KATNIP: variants seen among roughly 807,000 people sequenced by gnomAD.
KATNIP encodes katanin-interacting protein.
In KATNIP, 126 loss-of-function variants were observed where a neutral mutation model predicts 174.0. That is an observed-to-expected ratio of 0.72 (90% CI 0.63 to 0.84). The LOEUF (loss-of-function observed/expected upper bound fraction) is 0.84, where lower values mean the gene tolerates loss of function less well. Among genes scored for constraint, KATNIP ranks in the 40% least tolerant of loss-of-function variants. KATNIP has a pLI of 0.00. For missense variants in KATNIP, 1,958 were observed against 2,109.7 expected (o/e 0.93, Z 1.41); for synonymous variants, 810 against 835.7 (o/e 0.97, Z 0.53).
chr16:27,594,192 C>A (rs964287039), intron 2 of KATNIP, among the ~76,000 whole-genome samples: 2 of 151,956 alleles, frequency 1.3e-5, no homozygotes, highest in Admixed American at 6.6e-5. Flanking sequence ...CCCAGGAAGC[C>A]AAGTCTGCAG....
chr16:27,631,159 C>A lies in KATNIP; in HGVS notation c.405C>A (p.His135Gln), dbSNP rs138512782. 3 of 1,563,168 alleles carry A rather than the reference C, an allele frequency of 1.9e-6. No homozygotes were observed. The change falls in exon 5 of 28, where the codon CAC becomes CAA. Residue 135 changes from histidine to glutamine, a missense_variant. Coordinates refer to ENST00000261588, the MANE Select transcript of KATNIP (RefSeq NM_015202.5). ...APSKVQRRGW[H>Q]QKSVQIRTEA... ...GTAAAGTCCAGCGCCGAGGATGGCA[C>A]CAGGTCTGGAGACTGTGGCCCCAGC...
Position 27,780,104 on chromosome 16 carries a change from A to G in KATNIP, c.*1475A>G, listed in dbSNP as rs2082635267. 1 of 152,184 alleles carries G rather than the reference A, an allele frequency of 6.6e-6. No homozygotes were observed. 9.4% of individuals were successfully genotyped at this position (152,184 alleles called of 1,614,324 possible). Reference sequence around the variant, plus strand: ...GGGGGAGTCAGGGGTTGATCAAACCAGCTCTTGTGACCCAAACCAGTGCCG... The same window carrying G: ...GGGGGAGTCAGGGGTTGATCAAACCGGCTCTTGTGACCCAAACCAGTGCCG... On this transcript the variant is annotated 3_prime_UTR_variant, in exon 28 of 28. Transcript: ENST00000261588.
chr16:27,680,520 A>ATGTTT (rs1178770257), intron 7 of KATNIP, among the ~76,000 whole-genome samples: 1 of 152,126 alleles, frequency 6.6e-6, no homozygotes, highest in Non-Finnish European at 1.5e-5. Flanking sequence ...GACATTTTTC[A>ATGTTT]TGTTTTGTTT....
At chr16:27,590,723 T>C (rs993332729) in intron 2 of KATNIP, among the ~76,000 whole-genome samples, 2 of 152,186 alleles carry the variant, frequency 1.3e-5, no homozygotes, top group African/African-American at 4.8e-5. Flanking sequence ...CCTGGGGCCT[T>C]CTCCTCTCCC....
In KATNIP at chr16:27,670,920, A is replaced by G. The variant is rs376414828; in HGVS notation, c.541-6809A>G. Among the ~76,000 whole-genome samples the G allele has an allele frequency of 1.7e-4, 26 of 152,298 alleles. No individual in the cohort carries two copies. In the South Asian group the frequency reaches 5.0e-3, roughly 29 times the overall value. On this transcript the variant is annotated intron_variant, in intron 6 of 27. Coordinates refer to ENST00000261588, the MANE Select transcript of KATNIP (RefSeq NM_015202.5). Reference sequence around the variant, plus strand: ...TAATAGTTGGGTGCTGGCCGGGCGTAGTGGCTCACACCTGTAATCCAAGCA... The same window carrying G: ...TAATAGTTGGGTGCTGGCCGGGCGTGGTGGCTCACACCTGTAATCCAAGCA...
At chr16:27,773,369 C>T (rs1244818183) in intron 23 of KATNIP, among the ~76,000 whole-genome samples, 160 bp downstream of exon 23, 1 of 152,150 alleles carries the variant, frequency 6.6e-6, no homozygotes, top group Non-Finnish European at 1.5e-5. Flanking sequence ...TGGGGACGGG[C>T]AGCAGAGAGC....
At chr16:27,753,363 G>A (rs1169139708) in intron 17 of KATNIP, among the ~76,000 whole-genome samples, 1 of 152,120 alleles carries the variant, frequency 6.6e-6, no homozygotes, top group Non-Finnish European at 1.5e-5. Flanking sequence ...GTCTACCCTG[G>A]GCGCTTCCAT....
intron 2 of KATNIP, among the ~76,000 whole-genome samples, chr16:27,592,169 G>A (rs2075190751): frequency 2.0e-5 from 3 of 149,908 alleles, no homozygotes; most frequent in Non-Finnish European, 3.0e-5. Flanking sequence ...TCTAGTTCCT[G>A]TAATAGTATG....
rs566019407 is a variant in KATNIP, at chr16:27,589,912, G to A, written c.63+15956G>A. ...CCTGCCTCACCCTCCCAAGTAGCTG[G>A]GATTACAGGCACCCACCACCATGCC... On this transcript the variant is annotated intron_variant, in intron 2 of 27. Transcript: ENST00000261588. Among the ~76,000 whole-genome samples the A allele has an allele frequency of 1.2e-3, 187 of 152,054 alleles. 1 individual carries two copies. Among genetic ancestry groups the A allele is most frequent in the African/African-American group, 4.0e-3 (167 of 41,510 alleles).
At chr16:27,733,530 G>C (rs2080774702) in intron 14 of KATNIP, among the ~76,000 whole-genome samples, 1 of 130,044 alleles carries the variant, frequency 7.7e-6, no homozygotes, top group Non-Finnish European at 1.6e-5. Flanking sequence ...AGTTAAAGAA[G>C]GAAAAAAAAT....
intron 6 of KATNIP, among the ~76,000 whole-genome samples, chr16:27,659,147 G>A (rs970603610): frequency 2.0e-5 from 3 of 152,122 alleles, no homozygotes; most frequent in East Asian, 3.8e-4. Flanking sequence ...CTTTTAAGAA[G>A]ACAAGGAAGT....
chr16:27,718,956 C>G (rs916012576), intron 13 of KATNIP: 1 of 152,438 alleles, frequency 6.6e-6, no homozygotes, highest in Non-Finnish European at 1.5e-5. Context: ...AACCCCAGAT[C>G]AGCCAATCCT....
rs774660733 is a variant in KATNIP, at chr16:27,652,315, T to C, written c.540+3580T>C. ...AGAGGAGAGGTCAGAGAAGCAGCCA[T>C]GGGTCAGATTGCATGGGGCTTGAGG... is the stretch of plus-strand genomic sequence containing the variant. On this transcript the variant is annotated intron_variant, in intron 6 of 27. Coordinates refer to ENST00000261588, the MANE Select transcript of KATNIP (RefSeq NM_015202.5). Among the ~76,000 whole-genome samples the C allele has an allele frequency of 4.6e-5, 7 of 152,060 alleles. No homozygotes were observed. The South Asian group carries it at 8.3e-4, about 18-fold the overall frequency.
chr16:27,690,315 C>CAGATAGATAGAT (rs3056270), intron 8 of KATNIP, among the ~76,000 whole-genome samples: 6,383 of 128,664 alleles, frequency 0.05, 204 homozygotes, highest in South Asian at 0.11. Context: ...GACCCCATCT[C>CAGATAGATAGAT]AGATAGATAG....
In KATNIP at chr16:27,721,575, C is replaced by T; in HGVS notation, c.1623C>T (p.Ser541=). 1 of 1,614,128 alleles carries T rather than the reference C, an allele frequency of 6.2e-7. No homozygotes were observed. Among genetic ancestry groups the T allele is most frequent in the Non-Finnish European group, 8.5e-7 (1 of 1,180,000 alleles). ...CCTTCTAGGGCAAGAAAGACTCCTCCCCGTGGACCTGCCCCTTCCACCCAC... is the reference window on the plus strand; with the variant it reads ...CCTTCTAGGGCAAGAAAGACTCCTCTCCGTGGACCTGCCCCTTCCACCCAC... The part of the protein sequence containing the change: ...NRNLAGKKDS[S]PWTCPFHPPL... The change falls in exon 14 of 28, where the codon TCC becomes TCT. Residue 541 remains serine, a synonymous_variant. Coordinates refer to ENST00000261588, the MANE Select transcript of KATNIP (RefSeq NM_015202.5).
chr16:27,676,958 C>T (rs1567288585), intron 6 of KATNIP, among the ~76,000 whole-genome samples: 1 of 152,146 alleles, frequency 6.6e-6, no homozygotes, highest in Admixed American at 6.5e-5. Flanking sequence ...AAACATGAGC[C>T]ACTGTCCCAG....
chr16:27,778,844 T>A lies in KATNIP; in HGVS notation c.*215T>A. 2.0e-6 allele frequency: 1 copy of A among 500,674 alleles called. No individual in the cohort carries two copies. Among genetic ancestry groups the A allele is most frequent in the Non-Finnish European group, 3.5e-6 (1 of 286,222 alleles). The allele number at this position is 500,674 out of a possible 1,614,324, so 31.0% of individuals were successfully genotyped here. ...GCAGGGCAAAGAGATCCCCTGCAGT[T>A]CTGGGTTGGCCACAGGGAGCCCAGG... On this transcript the variant is annotated 3_prime_UTR_variant, in exon 28 of 28. Transcript: ENST00000261588.
In KATNIP at chr16:27,749,949, G is replaced by C. The variant is rs571020719; in HGVS notation, c.2989G>C (p.Glu997Gln). ...DRHYVGLNGIEIFSSKGEPVQ... is the reference protein window; with the variant it reads ...DRHYVGLNGIQIFSSKGEPVQ... The stretch of plus-strand genomic sequence containing the variant: ...ACACTATGTCGGCCTCAACGGAATA[G>C]AAATATTCAGTTCCAAGGGTGAACC... Residue 997 changes from glutamate to glutamine, a missense_variant, in exon 16 of 28, where the codon GAA (glutamate) becomes CAA (glutamine). Around this residue, in one of 3 missense-constraint regions of KATNIP, gnomAD observed 1,557 missense variants for 1,617.8 expected, o/e 0.96. Coordinates refer to ENST00000261588, the MANE Select transcript of KATNIP (RefSeq NM_015202.5). 3.7e-6 allele frequency: 6 copies of C among 1,614,178 alleles called. No individual in the cohort carries two copies. The African/African-American group carries it at 8.0e-5, about 22-fold the overall frequency.
intron 14 of KATNIP, among the ~76,000 whole-genome samples, chr16:27,731,739 C>T (rs1316978484): frequency 6.6e-6 from 1 of 152,160 alleles, no homozygotes; most frequent in Non-Finnish European, 1.5e-5. Flanking sequence ...CTGCCTCAGC[C>T]TCCCAAGTAG....
Sources: gnomAD v4.1 joint callset for allele counts (sites outside exome capture counted in the v4.1 genomes callset) on GRCh38, gnomAD v4.1.1 for gene constraint, gnomAD v4.1.1 regional missense constraint, MANE v1.5 for transcripts, NCBI Gene and HGNC (gene_info 2026-07-23, HGNC 2026-07-21) for gene names.